Variants in U2SURP observed in about 807,000 individuals in gnomAD.
The protein encoded by U2SURP is U2 snRNP associated SURP domain containing.
U2SURP carries 9 observed loss-of-function variants against 144.9 expected under a neutral mutation model. The ratio of observed to expected loss-of-function variants is 0.06; its 90% confidence interval spans 0.04 to 0.11. The LOEUF (loss-of-function observed/expected upper bound fraction) is 0.11. Among genes scored for constraint, U2SURP ranks in the 10% least tolerant of loss-of-function variants. The pLI is 1.00. For missense variants in U2SURP, 724 were observed against 1,226.7 expected, an observed-to-expected ratio of 0.59 and a Z score of 6.12; for synonymous variants, 408 against 396.8, an observed-to-expected ratio of 1.03 and a Z score of -0.33.
chr3:143,022,361 G>A lies in U2SURP; in HGVS notation c.853-136G>A, dbSNP rs567180889. The A allele has an allele frequency of 3.7e-4, 253 of 677,500 alleles. 1 individual carries two copies. In the Middle Eastern group the frequency reaches 5.8e-3, roughly 15 times the overall value. 42.0% of individuals were successfully genotyped at this position (677,500 alleles called of 1,614,324 possible). On this transcript the variant is annotated intron_variant, in intron 10 of 27. Coordinates refer to ENST00000473835, the MANE Select transcript of U2SURP (RefSeq NM_001080415.2). ...CCACGCGGGATTTTACTTGTGTGGC[G>A]TTCCTGGTACTTAAATGGAAAATTG...
At position 143,014,762 on chromosome 3, in the gene U2SURP, G is replaced by A. The variant is rs117731059; in HGVS notation, c.321+353G>A. Among the ~76,000 whole-genome samples, 613 of 151,920 alleles carry A rather than the reference G, an allele frequency of 4.0e-3. 10 individuals are homozygous for A. The East Asian group carries it at 0.051, about 13-fold the overall frequency. On this transcript the variant is annotated intron_variant, in intron 4 of 27. Transcript: ENST00000473835. ...CTACTTGCTTTTTTAACTTAACATT[G>A]TATCTCAGAAATTACCTCAAGTATA...
chr3:143,027,974 C>G (rs563231527), intron 14 of U2SURP, among the ~76,000 whole-genome samples: 2 of 152,102 alleles, frequency 1.3e-5, no homozygotes, highest in African/African-American at 4.8e-5. Flanking sequence ...TGAATTGTTA[C>G]GGTATTCTTA....
Position 143,005,728 on chromosome 3 carries a change from T to C in U2SURP, c.45+4055T>C, listed in dbSNP as rs534720794. ...TTTTTGTTTTTTATTTCTGAAGCTTTGTTTTCCTTGGAAAGTAAACCTAAG... is the reference window on the plus strand; with the variant it reads ...TTTTTGTTTTTTATTTCTGAAGCTTCGTTTTCCTTGGAAAGTAAACCTAAG... On this transcript the variant is annotated intron_variant, in intron 1 of 27. Coordinates refer to ENST00000473835, the MANE Select transcript of U2SURP (RefSeq NM_001080415.2). Among the ~76,000 whole-genome samples, 150 of 152,322 alleles carry C rather than the reference T, an allele frequency of 9.8e-4. 1 individual carries two copies. The highest frequency in any genetic ancestry group is 3.5e-3 in the African/African-American group (144 of 41,570).
chr3:143,008,800 C>CT (rs1935973087), intron 1 of U2SURP, among the ~76,000 whole-genome samples: 1 of 152,220 alleles, frequency 6.6e-6, no homozygotes, highest in African/African-American at 2.4e-5. Flanking sequence ...TATGGAGTCT[C>CT]TGTCGCCTAG....
chr3:143,029,609 G>C (rs925100089), intron 16 of U2SURP, among the ~76,000 whole-genome samples: 2 of 152,194 alleles, frequency 1.3e-5, no homozygotes, highest in African/African-American at 4.8e-5. Context: ...AATTAGGCCA[G>C]TTAATAATCC....
intron 1 of U2SURP, among the ~76,000 whole-genome samples, chr3:143,007,175 C>G (rs1345852863): frequency 6.6e-6 from 1 of 152,200 alleles, no homozygotes; most frequent in Non-Finnish European, 1.5e-5. Context: ...CACATTTCTA[C>G]TGTCTGCTTT....
At chr3:143,008,941 G>C (rs1258637413) in intron 1 of U2SURP, among the ~76,000 whole-genome samples, 1 of 152,202 alleles carries the variant, frequency 6.6e-6, no homozygotes, top group African/African-American at 2.4e-5. Context: ...TAGAGATGGG[G>C]TTTCACCAGG....
chr3:143,018,820 G>T (rs1578125762), intron 6 of U2SURP, among the ~76,000 whole-genome samples: 1 of 152,152 alleles, frequency 6.6e-6, no homozygotes, highest in African/African-American at 2.4e-5. Context: ...AGCTACTCGG[G>T]AGGCTGAGGC....
Position 143,060,684 on chromosome 3 carries a change from T to C in U2SURP, c.*4234T>C, listed in dbSNP as rs1050487969. 5.9e-5 allele frequency: 9 copies of C among 152,040 alleles called. No homozygotes were observed. Among genetic ancestry groups the C allele is most frequent in the African/African-American group, 2.2e-4 (9 of 41,456 alleles). 9.4% of individuals were successfully genotyped at this position (152,040 alleles called of 1,614,324 possible). On this transcript the variant is annotated 3_prime_UTR_variant, in exon 28 of 28. Coordinates refer to ENST00000473835, the MANE Select transcript of U2SURP (RefSeq NM_001080415.2). ...CAGTTATGGCTAAAATGTTACACTT[T>C]ACATGTTTAAACTATAATCATATGT...
intron 16 of U2SURP, 130 bp from the exon 17 acceptor site, chr3:143,032,654 C>T (rs1001318317): frequency 9.6e-6 from 7 of 729,390 alleles, no homozygotes; most frequent in Non-Finnish European, 1.5e-5. Flanking sequence ...ACAAATCAGA[C>T]TGAATGTATT....
chr3:143,032,177 ATTC>A (rs1178372111), intron 16 of U2SURP, among the ~76,000 whole-genome samples: 3 of 151,936 alleles, frequency 2.0e-5, no homozygotes, highest in African/African-American at 7.3e-5. Context: ...GGTTCAAGCA[ATTC>A]TTCTGCCTCA....
At position 143,012,288 on chromosome 3, in the gene U2SURP, CATAATT is replaced by C. The variant is rs1332885924; in HGVS notation, c.161_166del (p.Asn54_Tyr55del). ...GACACGACCTAAGAGCCCAAGAAAA[CATAATT>C]ATAGGAATGAAAGTGCCCGTGAAAG... is the stretch of plus-strand genomic sequence containing the variant. On this transcript the variant is annotated inframe_deletion, in exon 3 of 28. Coordinates refer to ENST00000473835, the MANE Select transcript of U2SURP (RefSeq NM_001080415.2). The C allele has an allele frequency of 7.4e-6, 12 of 1,613,190 alleles. No individual in the cohort carries two copies. The highest frequency in any genetic ancestry group is 1.6e-4 in the Middle Eastern group (1 of 6,082).
chr3:143,023,612 C>T (rs1268983998), intron 12 of U2SURP, among the ~76,000 whole-genome samples: 1 of 152,110 alleles, frequency 6.6e-6, no homozygotes, highest in Admixed American at 6.5e-5. Context: ...AATGACAGGG[C>T]TGGTTTTAAA....
chr3:143,020,917 T>C (rs908558183), intron 8 of U2SURP, among the ~76,000 whole-genome samples: 2 of 151,668 alleles, frequency 1.3e-5, no homozygotes, highest in African/African-American at 4.9e-5. Context: ...AACAATATAC[T>C]GAAATAAAAG....
chr3:143,017,231 A>G, intron 6 of U2SURP: 1 of 303,078 alleles, frequency 3.3e-6, no homozygotes, highest in Non-Finnish European at 6.0e-6. Flanking sequence ...GCAAGTCAAA[A>G]ATTGACTATA....
At chr3:143,054,724 A>G (rs891601255) in intron 26 of U2SURP, among the ~76,000 whole-genome samples, 7 of 152,232 alleles carry the variant, frequency 4.6e-5, no homozygotes, top group African/African-American at 1.7e-4. Flanking sequence ...TTGCAAAGAG[A>G]AAATCCAATT....
At chr3:143,044,997 G>A (rs1934345870) in intron 24 of U2SURP, among the ~76,000 whole-genome samples, 2 of 152,126 alleles carry the variant, frequency 1.3e-5, no homozygotes. Context: ...CAGGGGATAA[G>A]ATGTGTGTCA....
Position 143,012,281 on chromosome 3 carries a change from A to G in U2SURP, c.150A>G (p.Pro50=), listed in dbSNP as rs1578116477. ...CAAGTCGGACACGACCTAAGAGCCC[A>G]AGAAAACATAATTATAGGAATGAAA... ...DMPSRTRPKS[P]RKHNYRNESA... The change falls in exon 3 of 28, where the codon CCA becomes CCG. Residue 50 remains proline, a synonymous_variant. Coordinates refer to ENST00000473835, the MANE Select transcript of U2SURP (RefSeq NM_001080415.2). 8 of 1,613,522 alleles carry G rather than the reference A, an allele frequency of 5.0e-6. No homozygotes were observed. Among genetic ancestry groups the G allele is most frequent in the Admixed American group, 1.7e-5 (1 of 59,990 alleles).
At chr3:143,048,218 TC>T (rs960370328) in intron 24 of U2SURP, among the ~76,000 whole-genome samples, 17 of 152,354 alleles carry the variant, frequency 1.1e-4, no homozygotes, top group African/African-American at 4.1e-4. Flanking sequence ...AGACCCTTGA[TC>T]ATCTGTTTTC....
Sources: gnomAD v4.1 joint callset for allele counts (sites outside exome capture counted in the v4.1 genomes callset) on GRCh38, gnomAD v4.1.1 for gene constraint, MANE v1.5 for transcripts, NCBI Gene and HGNC (gene_info 2026-07-23, HGNC 2026-07-21) for gene names.